Variants in DAB1 observed in about 807,000 individuals in gnomAD.
The protein encoded by DAB1 is disabled homolog 1.
DAB1 carries 15 observed loss-of-function variants against 64.6 expected under a neutral mutation model. That is an observed-to-expected ratio of 0.23 (90% CI 0.16 to 0.36). DAB1 has a LOEUF of 0.36. Among genes scored for constraint, DAB1 ranks in the 10% least tolerant of loss-of-function variants. The probability of loss-of-function intolerance (pLI) is 1.00; values close to 1 mark genes in which losing one functional copy is unlikely to be tolerated. For missense variants in DAB1, 596 were observed against 706.7 expected, an observed-to-expected ratio of 0.84 and a Z score of 1.78; for synonymous variants, 235 against 251.9, an observed-to-expected ratio of 0.93 and a Z score of 0.64.
At chr1:58,316,374 A>C (rs1195388322) in intron 4 of DAB1, among the ~76,000 whole-genome samples, 1 of 152,192 alleles carries the variant, frequency 6.6e-6, no homozygotes, top group African/African-American at 2.4e-5. Flanking sequence ...CTAAACAAAA[A>C]ATGGTGGGTT....
intron 1 of DAB1, among the ~76,000 whole-genome samples, chr1:57,331,416 A>G (rs1676660935): frequency 6.6e-6 from 1 of 152,204 alleles, no homozygotes; most frequent in African/African-American, 2.4e-5. Context: ...CCTCTGCCCA[A>G]TAAGGAGGCA....
chr1:57,681,888 A>G (rs995882228), intron 6 of DAB1, among the ~76,000 whole-genome samples: 3 of 152,262 alleles, frequency 2.0e-5, no homozygotes, highest in Non-Finnish European at 2.9e-5. Flanking sequence ...AGTCAGCCCC[A>G]TGCCTCAAAG....
chr1:58,361,571 A>G (rs1005775856), intron 3 of DAB1, among the ~76,000 whole-genome samples: 1 of 151,944 alleles, frequency 6.6e-6, no homozygotes, highest in East Asian at 1.9e-4. Flanking sequence ...TGTTAGGGGG[A>G]AGTTGATCAG....
At chr1:58,328,917 C>T (rs1022142508) in intron 4 of DAB1, among the ~76,000 whole-genome samples, 24 of 152,164 alleles carry the variant, frequency 1.6e-4, no homozygotes, top group African/African-American at 5.3e-4. Context: ...CAAGGCCTAA[C>T]TTAAATGTCG....
chr1:57,144,637 T>C (rs1261123959), intron 3 of DAB1, among the ~76,000 whole-genome samples: 1 of 149,692 alleles, frequency 6.7e-6, no homozygotes, highest in Non-Finnish European at 1.5e-5. Context: ...GAAGTTGCAG[T>C]GAGCCGAGAT....
chr1:57,103,846 G>A (rs2100699374), intron 4 of DAB1, among the ~76,000 whole-genome samples: 1 of 152,268 alleles, frequency 6.6e-6, no homozygotes, highest in Middle Eastern at 3.4e-3. Context: ...CCAGGTAGGG[G>A]ACCCCTATGT....
At chr1:58,471,565 C>T (rs1645358832) in intron 3 of DAB1, among the ~76,000 whole-genome samples, 1 of 152,120 alleles carries the variant, frequency 6.6e-6, no homozygotes, top group Non-Finnish European at 1.5e-5. Flanking sequence ...ATCTGTGTCC[C>T]CATCCAAATC....
At chr1:58,079,339 G>C (rs1010745403) in intron 5 of DAB1, among the ~76,000 whole-genome samples, 2 of 151,990 alleles carry the variant, frequency 1.3e-5, no homozygotes, top group African/African-American at 4.8e-5. Context: ...CATTTGGAGT[G>C]CTCATTATTA....
chr1:57,234,438 C>T (rs1262208647), intron 2 of DAB1, among the ~76,000 whole-genome samples: 1 of 151,962 alleles, frequency 6.6e-6, no homozygotes, highest in African/African-American at 2.4e-5. Context: ...ATAAAAGATA[C>T]TATTTTTTAG....
chr1:57,167,925 C>T (rs1474597191), intron 2 of DAB1, among the ~76,000 whole-genome samples: 4 of 152,170 alleles, frequency 2.6e-5, no homozygotes, highest in African/African-American at 9.7e-5. Context: ...AACATTTGTC[C>T]AGTGAATGAA....
intron 5 of DAB1, among the ~76,000 whole-genome samples, chr1:57,939,441 A>T (rs545762997): frequency 6.6e-6 from 1 of 152,346 alleles, no homozygotes; most frequent in South Asian, 2.1e-4. Context: ...TACTCAGCTT[A>T]CCTCAACCAC....
chr1:57,996,906 G>T (rs1209647221), intron 5 of DAB1, among the ~76,000 whole-genome samples: 2 of 152,136 alleles, frequency 1.3e-5, no homozygotes. Context: ...AGCCTGGAGA[G>T]TGTAAAGTAT....
chr1:58,123,204 A>G (rs1205164736), intron 5 of DAB1, among the ~76,000 whole-genome samples: 2 of 152,174 alleles, frequency 1.3e-5, no homozygotes, highest in African/African-American at 4.8e-5. Flanking sequence ...AAAAGACTCC[A>G]TAGGATGGGA....
At chr1:57,977,640 C>A (rs1017019175) in intron 5 of DAB1, among the ~76,000 whole-genome samples, 11 of 152,140 alleles carry the variant, frequency 7.2e-5, no homozygotes, top group African/African-American at 2.2e-4. Context: ...TCTCTGAAAG[C>A]AGAACACAGA....
chr1:57,154,238 T>C (rs1024213662), intron 2 of DAB1, among the ~76,000 whole-genome samples: 11 of 152,186 alleles, frequency 7.2e-5, no homozygotes, highest in African/African-American at 2.7e-4. Flanking sequence ...TCCAGCTCTA[T>C]GAATTCAATT....
chr1:58,447,982 C>T (rs9783065), intron 3 of DAB1, among the ~76,000 whole-genome samples: 12,044 of 151,942 alleles, frequency 0.079, 1,420 homozygotes, highest in African/African-American at 0.26. Flanking sequence ...GCCATTCCCC[C>T]GGGGGAATGG....
At chr1:57,140,097 A>C (rs1450300237) in intron 3 of DAB1, among the ~76,000 whole-genome samples, 2 of 152,146 alleles carry the variant, frequency 1.3e-5, no homozygotes, top group South Asian at 2.1e-4. Flanking sequence ...ATTCATGGCC[A>C]CTGTGCAGAA....
At chr1:58,467,226 G>A (rs1417550388) in intron 3 of DAB1, among the ~76,000 whole-genome samples, 1 of 152,226 alleles carries the variant, frequency 6.6e-6, no homozygotes, top group East Asian at 1.9e-4. Context: ...ATGTAACAAA[G>A]TGGCTGTCAC....
At chr1:57,651,667 A>AAC (rs894191139) in intron 6 of DAB1, among the ~76,000 whole-genome samples, 7 of 145,992 alleles carry the variant, frequency 4.8e-5, no homozygotes, top group African/African-American at 1.9e-4. Context: ...AAAACAAACA[A>AAC]AAAAAAAATG....
Sources: gnomAD v4.1 joint callset for allele counts (sites outside exome capture counted in the v4.1 genomes callset) on GRCh38, gnomAD v4.1.1 for gene constraint, MANE v1.5 for transcripts, NCBI Gene and HGNC (gene_info 2026-07-23, HGNC 2026-07-21) for gene names.